Variants in ATXN10 observed in about 807,000 individuals in gnomAD.
ATXN10 encodes ataxin 10, also known as ataxin-10.
In ATXN10, 28 loss-of-function variants were observed where a neutral mutation model predicts 52.9. The observed-to-expected ratio is 0.53, with a 90% CI of 0.39 to 0.73. The LOEUF (loss-of-function observed/expected upper bound fraction) is 0.73, where lower values mean the gene tolerates loss of function less well. Among genes scored for constraint, ATXN10 ranks in the 30% least tolerant of loss-of-function variants. The pLI, the probability that ATXN10 is intolerant of heterozygous loss-of-function variation, is 0.00. For missense variants in ATXN10, 565 were observed against 577.0 expected, an observed-to-expected ratio of 0.98 and a Z score of 0.21; for synonymous variants, 226 against 221.5, an observed-to-expected ratio of 1.02 and a Z score of -0.18.
chr22:45,747,186 G>T (rs1477778164), intron 9 of ATXN10, among the ~76,000 whole-genome samples: 1 of 152,046 alleles, frequency 6.6e-6, no homozygotes, highest in African/African-American at 2.4e-5. Context: ...GTCTAATTGG[G>T]GAATTCCAGG....
intron 9 of ATXN10, among the ~76,000 whole-genome samples, chr22:45,751,763 A>AAAAAAAAAAATAATAAT: frequency 3.0e-4 from 20 of 66,596 alleles, no homozygotes; most frequent in South Asian, 2.3e-3. Flanking sequence ...AATAAAAAAA[A>AAAAAAAAAAATAATAAT]AATAATAATA....
rs1050603741 is a variant in ATXN10, at chr22:45,681,153, T to C, written c.117-8559T>C. 6.6e-5 allele frequency among the ~76,000 whole-genome samples: 10 copies of C among 152,336 alleles called. No individual in the cohort carries two copies. The South Asian group carries it at 1.7e-3, about 25-fold the overall frequency. On this transcript the variant is annotated intron_variant, in intron 1 of 11. Coordinates refer to ENST00000252934, the MANE Select transcript of ATXN10 (RefSeq NM_013236.4). The surrounding 1 kb of genome is among the most constrained non-coding windows in gnomAD (Gnocchi z 4.2). ...ATTCCTTGAAGAGTTTAGCCCTGGC[T>C]CACTTTTCACTCTATTTCTTCTCCT...
chr22:45,785,592 T>G (rs1287866691), intron 9 of ATXN10, among the ~76,000 whole-genome samples: 1 of 152,216 alleles, frequency 6.6e-6, no homozygotes, highest in Non-Finnish European at 1.5e-5. Context: ...AATGACACCT[T>G]CTGTTTGCAG....
rs1276061217 is a variant in ATXN10 at position 45,835,807 on chromosome 22, C to A, written c.1238-7184C>A. Among the ~76,000 whole-genome samples, 4 of 152,154 alleles carry A rather than the reference C, an allele frequency of 2.6e-5. No homozygotes were observed. The highest frequency in any genetic ancestry group is 4.4e-5 in the Non-Finnish European group (3 of 68,026). The stretch of plus-strand genomic sequence containing the variant: ...TCTTCAGATTGTAACCTATAATTTC[C>A]AAATCTGACAATTATTTCTCTGCCT... On this transcript the variant is annotated intron_variant, in intron 10 of 11. Transcript: ENST00000252934. This position sits in a 1 kb window ranked among gnomAD's most constrained non-coding sequence, Gnocchi z 5.0.
At position 45,759,381 on chromosome 22, in the gene ATXN10, G is replaced by C. The variant is rs912856850; in HGVS notation, c.1173+18843G>C. On this transcript the variant is annotated intron_variant, in intron 9 of 11. Transcript: ENST00000252934. The surrounding 1 kb of genome is among the most constrained non-coding windows in gnomAD (Gnocchi z 5.4). The stretch of plus-strand genomic sequence containing the variant: ...ACAAAAAGTAGCCGGGCGTGGTGGC[G>C]CATGCCTGTAATCCCAGCTACTCGG... Among the ~76,000 whole-genome samples, 2 of 152,070 alleles carry C rather than the reference G, an allele frequency of 1.3e-5. No individual in the cohort carries two copies. Among genetic ancestry groups the C allele is most frequent in the African/African-American group, 2.4e-5 (1 of 41,404 alleles).
intron 6 of ATXN10, among the ~76,000 whole-genome samples, chr22:45,722,197 A>G (rs1404907941): frequency 6.6e-6 from 1 of 152,188 alleles, no homozygotes; most frequent in African/African-American, 2.4e-5. Context: ...GGTCTTTCCT[A>G]CTTTTGCATC....
rs548845025 is a variant in ATXN10 at position 45,804,334 on chromosome 22, T to C, written c.1174-2625T>C. Among the ~76,000 whole-genome samples the C allele has an allele frequency of 5.9e-5, 9 of 152,356 alleles. No individual in the cohort carries two copies. In the South Asian group the frequency reaches 1.9e-3, roughly 32 times the overall value. Reference sequence around the variant, plus strand: ...GAAGTCATTAAAGCATCTGATTGCCTAGTATATGCCAGGTGTCTACTAAAT... The same window carrying C: ...GAAGTCATTAAAGCATCTGATTGCCCAGTATATGCCAGGTGTCTACTAAAT... On this transcript the variant is annotated intron_variant, in intron 9 of 11. Transcript: ENST00000252934.
intron 4 of ATXN10, among the ~76,000 whole-genome samples, chr22:45,700,886 G>T (rs1011280045): frequency 6.6e-6 from 1 of 152,170 alleles, no homozygotes; most frequent in Non-Finnish European, 1.5e-5. Flanking sequence ...CATGTAAGAA[G>T]TGAGTAACCA....
rs990317460 is a variant in ATXN10, at chr22:45,781,396, G to A, written c.1174-25563G>A. Among the ~76,000 whole-genome samples the A allele has an allele frequency of 1.4e-4, 21 of 152,104 alleles. No homozygotes were observed. Among genetic ancestry groups the A allele is most frequent in the African/African-American group, 4.6e-4 (19 of 41,400 alleles). On this transcript the variant is annotated intron_variant, in intron 9 of 11. Transcript: ENST00000252934. This position sits in a 1 kb window ranked among gnomAD's most constrained non-coding sequence, Gnocchi z 4.2. ...AGTAGTGAGGCACCCCTCTCTCCCC[G>A]GGTGTCAAAGGAGGTTGAGTGAGGG...
chr22:45,720,191 T>C (rs1223375270), intron 6 of ATXN10, among the ~76,000 whole-genome samples: 1 of 152,214 alleles, frequency 6.6e-6, no homozygotes, highest in Non-Finnish European at 1.5e-5. Flanking sequence ...CAAGGTCTTA[T>C]GTATTTATTC....
chr22:45,805,378 T>G lies in ATXN10; in HGVS notation c.1174-1581T>G, dbSNP rs1487381019. Among the ~76,000 whole-genome samples, 2 of 152,150 alleles carry G rather than the reference T, an allele frequency of 1.3e-5. No homozygotes were observed. Among genetic ancestry groups the G allele is most frequent in the Non-Finnish European group, 2.9e-5 (2 of 68,030 alleles). ...TACCCAAGAACAATGAATACTTATATCCACTCAAAAACATGTACATGCACA... is the reference window on the plus strand; with the variant it reads ...TACCCAAGAACAATGAATACTTATAGCCACTCAAAAACATGTACATGCACA... On this transcript the variant is annotated intron_variant, in intron 9 of 11. Transcript: ENST00000252934. This position sits in a 1 kb window ranked among gnomAD's most constrained non-coding sequence, Gnocchi z 4.4.
chr22:45,828,663 C>T lies in ATXN10; in HGVS notation c.1238-14328C>T, dbSNP rs1928894298. Among the ~76,000 whole-genome samples the T allele has an allele frequency of 6.6e-6, 1 of 152,088 alleles. No homozygotes were observed. Among genetic ancestry groups the T allele is most frequent in the African/African-American group, 2.4e-5 (1 of 41,410 alleles). On this transcript the variant is annotated intron_variant, in intron 10 of 11. Coordinates refer to ENST00000252934, the MANE Select transcript of ATXN10 (RefSeq NM_013236.4). This position sits in a 1 kb window ranked among gnomAD's most constrained non-coding sequence, Gnocchi z 4.5. ...ATAATGTAAATGAAATGGACAAATT[C>T]CTAGAAACTCAAAACCTATTATAAA...
chr22:45,790,195 C>T lies in ATXN10; in HGVS notation c.1174-16764C>T, dbSNP rs940042696. On this transcript the variant is annotated intron_variant, in intron 9 of 11. Transcript: ENST00000252934. The surrounding 1 kb of genome is among the most constrained non-coding windows in gnomAD (Gnocchi z 4.7). ...CCTGATTTCTTATTCTGCACAATCC[C>T]AGTTAGAGGGGCTCTTAATGCCTGT... 6.6e-6 allele frequency among the ~76,000 whole-genome samples: 1 copy of T among 152,118 alleles called. No individual in the cohort carries two copies. The highest frequency in any genetic ancestry group is 1.5e-5 in the Non-Finnish European group (1 of 68,012).
rs781133315 is a variant in ATXN10, at chr22:45,690,279, GAAAA to G, written c.308+390_308+393del. On this transcript the variant is annotated intron_variant, in intron 2 of 11. Transcript: ENST00000252934. This position sits in a 1 kb window ranked among gnomAD's most constrained non-coding sequence, Gnocchi z 4.5. ...CCACATTGTGAGACCCTGTCTCAGG[GAAAA>G]AAAAAAAAAAAAAGTTGTTCTGGCA... 7.7e-6 allele frequency among the ~76,000 whole-genome samples: 1 copy of G among 130,120 alleles called. No individual in the cohort carries two copies. The highest frequency in any genetic ancestry group is 2.5e-4 in the South Asian group (1 of 4,056). 85.4% of individuals were successfully genotyped at this position (130,120 alleles called of 152,430 possible).
intron 9 of ATXN10, among the ~76,000 whole-genome samples, chr22:45,756,130 C>A (rs1183080878): frequency 6.6e-6 from 1 of 151,972 alleles, no homozygotes; most frequent in Non-Finnish European, 1.5e-5. Flanking sequence ...AAATGGAATT[C>A]TCTTTGTTTA....
At chr22:45,811,720 GC>G (rs1316068793) in intron 10 of ATXN10, 26 of 471,010 alleles carry the variant, frequency 5.5e-5, no homozygotes, top group African/African-American at 3.8e-4. Flanking sequence ...GTCCACACTT[GC>G]ATCATTGCTG....
chr22:45,826,739 G>A lies in ATXN10; in HGVS notation c.1238-16252G>A, dbSNP rs1183224557. On this transcript the variant is annotated intron_variant, in intron 10 of 11. Coordinates refer to ENST00000252934, the MANE Select transcript of ATXN10 (RefSeq NM_013236.4). This position sits in a 1 kb window ranked among gnomAD's most constrained non-coding sequence, Gnocchi z 5.0. ...TTAAGGCATTCACAGACGAACAAAA[G>A]CTGATGGAGTTTGTTACCACTAGAC... is the stretch of plus-strand genomic sequence containing the variant. 6.6e-6 allele frequency among the ~76,000 whole-genome samples: 1 copy of A among 152,204 alleles called. No homozygotes were observed. The highest frequency in any genetic ancestry group is 1.5e-5 in the Non-Finnish European group (1 of 68,028).
chr22:45,697,169 T>C (rs1171292608), intron 3 of ATXN10, among the ~76,000 whole-genome samples: 1 of 152,092 alleles, frequency 6.6e-6, no homozygotes, highest in African/African-American at 2.4e-5. Context: ...GAGTTTGCTC[T>C]CGTTGCCCAG....
intron 8 of ATXN10, among the ~76,000 whole-genome samples, chr22:45,739,669 C>G (rs986034659): frequency 2.6e-5 from 4 of 152,196 alleles, no homozygotes; most frequent in African/African-American, 9.6e-5. Flanking sequence ...CCCAGCTCTG[C>G]CAGGTGCCAA....
Sources: allele counts gnomAD v4.1 joint callset (sites outside exome capture counted in the v4.1 genomes callset), GRCh38; gene constraint gnomAD v4.1.1; non-coding constraint Gnocchi (gnomAD v3.1); transcripts MANE v1.5; gene names NCBI Gene and HGNC (gene_info 2026-07-23, HGNC 2026-07-21).